PCLO: variants seen among roughly 807,000 people sequenced by gnomAD.
PCLO encodes protein piccolo.
In PCLO, 82 loss-of-function variants were observed where a neutral mutation model predicts 427.5. The observed-to-expected ratio is 0.19, with a 90% confidence interval of 0.16 to 0.23. The LOEUF (loss-of-function observed/expected upper bound fraction) is 0.23. PCLO is among the 10% of genes least tolerant of loss of function. The probability of loss-of-function intolerance (pLI) is 1.00; values close to 1 mark genes in which losing one functional copy is unlikely to be tolerated. For missense variants in PCLO, 6,239 were observed against 6,115.9 expected, an observed-to-expected ratio of 1.02 and a Z score of -0.67; for synonymous variants, 2,357 against 2,155.4, an observed-to-expected ratio of 1.09 and a Z score of -2.59.
chr7:83,083,586 G>T (rs1355274471), intron 3 of PCLO, among the ~76,000 whole-genome samples: 2 of 152,066 alleles, frequency 1.3e-5, no homozygotes, highest in African/African-American at 4.8e-5. Flanking sequence ...CTCCCAAGTT[G>T]ATAAGGAAAC....
chr7:82,896,463 A>T lies in PCLO; in HGVS notation c.13528+6188T>A, dbSNP rs951417613. ...AAAAGGCAAACTTACAGAGACAAGA[A>T]GTAAATCAGTAGTTAGTTTTTGGAT... is the stretch of plus-strand genomic sequence containing the variant. On this transcript the variant is annotated intron_variant, in intron 9 of 24. Transcript: ENST00000333891. Among the ~76,000 whole-genome samples the T allele has an allele frequency of 9.2e-5, 14 of 151,704 alleles. No individual in the cohort carries two copies. In the Admixed American group the frequency reaches 9.2e-4, roughly 10 times the overall value.
At chr7:83,086,613 C>T (rs1438384923) in intron 3 of PCLO, among the ~76,000 whole-genome samples, 2 of 151,918 alleles carry the variant, frequency 1.3e-5, no homozygotes, top group Non-Finnish European at 2.9e-5. Flanking sequence ...CGGCATTAAT[C>T]TGGCCTGGAT....
At chr7:82,858,620 C>T (rs1361289483) in intron 10 of PCLO, among the ~76,000 whole-genome samples, 1 of 151,998 alleles carries the variant, frequency 6.6e-6, no homozygotes, top group Non-Finnish European at 1.5e-5. Context: ...GATATAAAAT[C>T]AACAACAAAA....
rs749528846 is a variant in PCLO, at chr7:82,966,061, G to A, written c.3727C>T (p.Pro1243Ser). ...TCTGGGAGTAGCTTTTTGTCTTCAG[G>A]GGTTGGCTTTTTTTCTTCTAGGAGT... Reference protein sequence around the residue: ...KPLLEEKKPTPEDKKLLPEAK... With the variant: ...KPLLEEKKPTSEDKKLLPEAK... The change falls in exon 4 of 25, where the codon CCT (proline) becomes TCT (serine). Residue 1243 changes from proline to serine, a missense_variant. Pro to Ser is a moderately conservative substitution (Grantham distance 74). Transcript: ENST00000333891. 7.3e-5 allele frequency: 117 copies of A among 1,613,138 alleles called. 1 individual carries two copies. The highest frequency in any genetic ancestry group is 3.3e-4 in the Middle Eastern group (2 of 6,056).
At chr7:82,861,575 A>G (rs1792957177) in intron 10 of PCLO, among the ~76,000 whole-genome samples, 1 of 151,882 alleles carries the variant, frequency 6.6e-6, no homozygotes, top group Non-Finnish European at 1.5e-5. Flanking sequence ...CCCCATTTTC[A>G]GCAGAAAATC....
At chr7:83,077,263 T>C (rs999156451) in intron 3 of PCLO, among the ~76,000 whole-genome samples, 7 of 152,134 alleles carry the variant, frequency 4.6e-5, no homozygotes, top group Non-Finnish European at 5.9e-5. Context: ...TTGTTACCTC[T>C]TCTCTTTTCC....
intron 3 of PCLO, among the ~76,000 whole-genome samples, chr7:82,991,968 G>C (rs149295030): frequency 8.3e-4 from 127 of 152,146 alleles, no homozygotes; most frequent in Non-Finnish European, 1.5e-3. Context: ...TGGCTCAAGA[G>C]ACATACCACT....
At chr7:82,783,488 G>A (rs1292204688) in intron 22 of PCLO, among the ~76,000 whole-genome samples, 1 of 152,054 alleles carries the variant, frequency 6.6e-6, no homozygotes, top group Non-Finnish European at 1.5e-5. Context: ...CGGGCATGGT[G>A]GCGGGCTCCT....
At chr7:82,941,308 T>A (rs969261152) in intron 6 of PCLO, among the ~76,000 whole-genome samples, 45 of 152,284 alleles carry the variant, frequency 3.0e-4, no homozygotes, top group African/African-American at 1.0e-3. Flanking sequence ...CCCACATTTT[T>A]AAAAAATAAC....
At chr7:83,137,177 T>C (rs2116625593) in intron 2 of PCLO, among the ~76,000 whole-genome samples, 1 of 152,258 alleles carries the variant, frequency 6.6e-6, no homozygotes, top group African/African-American at 2.4e-5. Flanking sequence ...TTTCAAACAG[T>C]TTCTTTTTGA....
chr7:82,796,992 A>G (rs1188674443), intron 22 of PCLO, among the ~76,000 whole-genome samples: 3 of 151,920 alleles, frequency 2.0e-5, no homozygotes, highest in African/African-American at 7.3e-5. Flanking sequence ...GCAAGGTCAC[A>G]TATTTGTGGA....
Position 82,915,917 on chromosome 7 carries a change from G to C in PCLO, c.12069C>G (p.Ser4023Arg), listed in dbSNP as rs757550464. The change falls in exon 7 of 25, where the codon AGC (serine) becomes AGG (arginine). Residue 4023 changes from serine (S) to arginine (R), a missense_variant. Ser to Arg is a moderately radical substitution (Grantham distance 110). Around this residue, in one of 5 missense-constraint regions of PCLO, gnomAD observed 680 missense variants for 677.3 expected, o/e 1.00. Transcript: ENST00000333891. ...IGLEERSSMA[S>R]SPISSISADS... ...CTGCAGATATGCTTGATATTGGACTGCTTGCCATGCTACTTCTTTCCTCCA... is the reference window on the plus strand; with the variant it reads ...CTGCAGATATGCTTGATATTGGACTCCTTGCCATGCTACTTCTTTCCTCCA... 1.9e-6 allele frequency: 3 copies of C among 1,613,232 alleles called. No individual in the cohort carries two copies. In the South Asian group the frequency reaches 3.3e-5, roughly 18 times the overall value.
At chr7:82,799,321 C>T (rs1791293632) in intron 22 of PCLO, among the ~76,000 whole-genome samples, 1 of 152,056 alleles carries the variant, frequency 6.6e-6, no homozygotes, top group Non-Finnish European at 1.5e-5. Context: ...TGCTGGGATA[C>T]CAAGAGGAAT....
intron 2 of PCLO, among the ~76,000 whole-genome samples, chr7:83,142,858 C>G (rs549819239): frequency 7.2e-5 from 11 of 152,200 alleles, no homozygotes; most frequent in Admixed American, 2.0e-4. Context: ...ACTCGGGAGG[C>G]TGAGGCAGCA....
At chr7:82,786,399 T>G (rs928491370) in intron 22 of PCLO, among the ~76,000 whole-genome samples, 7 of 152,248 alleles carry the variant, frequency 4.6e-5, no homozygotes, top group African/African-American at 1.7e-4. Flanking sequence ...TTTAGAGTTT[T>G]AAATCTTAAA....
At position 82,953,631 on chromosome 7, in the gene PCLO, T is replaced by C. The variant is rs201954511; in HGVS notation, c.7322A>G (p.Lys2441Arg). The C allele has an allele frequency of 2.0e-4, 320 of 1,606,470 alleles. 2 individuals carry two copies. The Admixed American group carries it at 5.4e-3, about 27-fold the overall frequency. Residue 2441 changes from lysine to arginine, a missense_variant, in exon 5 of 25, where the codon AAA (lysine) becomes AGA (arginine). Transcript: ENST00000333891. The part of the protein sequence containing the change: ...TSPKPTILPK[K>R]KLTVASPVTT... Reference sequence around the variant, plus strand: ...CACTGGAGATGCAACTGTTAACTTTTTTTTAGGAAGAATAGTTGGTTTAGG... The same window carrying C: ...CACTGGAGATGCAACTGTTAACTTTCTTTTAGGAAGAATAGTTGGTTTAGG...
Position 82,914,725 on chromosome 7 carries a change from T to C in PCLO, c.13261A>G (p.Ile4421Val). Residue 4421 changes from isoleucine to valine, a missense_variant, in exon 7 of 25, where the codon ATC (isoleucine) becomes GTC (valine). This residue lies in a region of PCLO where 877 missense variants were observed against 925.5 expected (regional missense o/e 0.95). Coordinates refer to ENST00000333891, the MANE Select transcript of PCLO (RefSeq NM_033026.6). The stretch of plus-strand genomic sequence containing the variant: ...ATGGCATGTTGGAAGTCATCCATGA[T>C]GAATGCTATGTCACGGTCATAGCCT... ...TRGYDRDIAFIMDDFQHAMSD... is the reference protein window; with the variant it reads ...TRGYDRDIAFVMDDFQHAMSD... 2 of 1,613,318 alleles carry C rather than the reference T, an allele frequency of 1.2e-6. No homozygotes were observed. The highest frequency in any genetic ancestry group is 1.7e-6 in the Non-Finnish European group (2 of 1,179,634).
chr7:83,078,937 A>G (rs1300404102), intron 3 of PCLO, among the ~76,000 whole-genome samples: 1 of 152,182 alleles, frequency 6.6e-6, no homozygotes, highest in African/African-American at 2.4e-5. Flanking sequence ...CAACTATCTT[A>G]AACATTGTTA....
chr7:82,832,997 TG>T (rs1240199182), intron 16 of PCLO, among the ~76,000 whole-genome samples: 1 of 152,212 alleles, frequency 6.6e-6, no homozygotes, highest in Non-Finnish European at 1.5e-5. Context: ...AGAGACTATA[TG>T]GCTACATTGT....
Sources: allele counts gnomAD v4.1 joint callset (sites outside exome capture counted in the v4.1 genomes callset), GRCh38; gene constraint gnomAD v4.1.1; regional missense constraint gnomAD v4.1.1; transcripts MANE v1.5; gene names NCBI Gene and HGNC (gene_info 2026-07-23, HGNC 2026-07-21).